The following TBC1D8 variants were observed in gnomAD, a reference collection of about 807,000 sequenced individuals.
The protein encoded by TBC1D8 is TBC1 domain family member 8, also known as BUB2-like protein 1.
A neutral mutation model predicts 118.8 loss-of-function variants in TBC1D8; 65 were observed. The observed-to-expected ratio is 0.55, with a 90% CI of 0.45 to 0.67. TBC1D8 has a LOEUF of 0.67. TBC1D8 is among the 30% of genes least tolerant of loss of function. The pLI, the probability that TBC1D8 is intolerant of heterozygous loss-of-function variation, is 0.00. For synonymous variants in TBC1D8, 566 were observed against 595.8 expected, an observed-to-expected ratio of 0.95 and a Z score of 0.73; for missense variants, 1,376 against 1,471.2, an observed-to-expected ratio of 0.94 and a Z score of 1.06.
At chr2:101,078,089 C>A (rs536508656) in intron 2 of TBC1D8, among the ~76,000 whole-genome samples, 15 of 152,236 alleles carry the variant, frequency 9.9e-5, no homozygotes, top group African/African-American at 3.4e-4. Flanking sequence ...AGATTGTATC[C>A]CCAACCAACG....
chr2:101,022,638 A>G, intron 15 of TBC1D8, 117 bp from the exon 16 acceptor site: 15 of 1,406,768 alleles, frequency 1.1e-5, no homozygotes, highest in Non-Finnish European at 1.3e-5. Context: ...TGGATACGTA[A>G]AAGTGTTCCC....
At position 101,151,250 on chromosome 2, in the gene TBC1D8, A is replaced by T; in HGVS notation, c.4T>A (p.Trp2Arg). The T allele has an allele frequency of 8.5e-7, 1 of 1,170,138 alleles. No homozygotes were observed. Among genetic ancestry groups the T allele is most frequent in the Non-Finnish European group, 1.1e-6 (1 of 930,960 alleles). The allele number at this position is 1,170,138 out of a possible 1,614,324, so 72.5% of individuals were successfully genotyped here. The change falls in exon 1 of 20, where the codon TGG becomes AGG. Residue 2 changes from tryptophan (W) to arginine (R), a missense_variant. Coordinates refer to ENST00000409318, the MANE Select transcript of TBC1D8 (RefSeq NM_001330348.2). ...AGCAGCACCTCCTCGGGCTTGAGCC[A>T]CATCGCGGCGGTCCGGCCGCGCCCG... Reference protein sequence around the residue: MWLKPEEVLLKN... With the variant: MRLKPEEVLLKN...
chr2:101,072,058 T>C (rs561226560), intron 2 of TBC1D8, among the ~76,000 whole-genome samples: 27 of 152,346 alleles, frequency 1.8e-4, no homozygotes, highest in Non-Finnish European at 3.5e-4. Flanking sequence ...ATTAATCTCC[T>C]TGTACATCTT....
chr2:101,070,905 T>A (rs1410838380), intron 2 of TBC1D8, among the ~76,000 whole-genome samples: 1 of 152,102 alleles, frequency 6.6e-6, no homozygotes, highest in Non-Finnish European at 1.5e-5. Context: ...CCCCAGGAGG[T>A]CAATATACAT....
intron 1 of TBC1D8, 113 bp downstream of exon 1, chr2:101,151,014 G>C: frequency 1.3e-6 from 1 of 770,654 alleles, no homozygotes. Flanking sequence ...TCCGGGCCCC[G>C]CGTCTCCCAA....
At chr2:101,075,130 G>T (rs1327000031) in intron 2 of TBC1D8, among the ~76,000 whole-genome samples, 1 of 152,148 alleles carries the variant, frequency 6.6e-6, no homozygotes, top group Non-Finnish European at 1.5e-5. Flanking sequence ...GGGCTCAGTG[G>T]CTACACCTGT....
chr2:101,013,095 G>C (rs915032425), intron 17 of TBC1D8, among the ~76,000 whole-genome samples: 1 of 152,188 alleles, frequency 6.6e-6, no homozygotes, highest in Non-Finnish European at 1.5e-5. Context: ...TAGAAAGGCA[G>C]CAATTAATCC....
intron 1 of TBC1D8, among the ~76,000 whole-genome samples, chr2:101,127,044 T>C (rs184301858): frequency 6.6e-6 from 1 of 152,210 alleles, no homozygotes; most frequent in East Asian, 1.9e-4. Flanking sequence ...TGTTAAGAAA[T>C]TGAGGCCCCT....
rs192743841 is a variant in TBC1D8, at chr2:101,126,155, A to G, written c.127+24972T>C. On this transcript the variant is annotated intron_variant, in intron 1 of 19. Coordinates refer to ENST00000409318, the MANE Select transcript of TBC1D8 (RefSeq NM_001330348.2). ...GGGAGCTGGCATATACAGAGAGCAC[A>G]TGGTAGGAGAGAAAGGCAAGAGAGA... Among the ~76,000 whole-genome samples, 408 of 152,262 alleles carry G rather than the reference A, an allele frequency of 2.7e-3. 2 individuals are homozygous for G. The highest frequency in any genetic ancestry group is 9.3e-3 in the African/African-American group (388 of 41,554).
In TBC1D8 at chr2:101,059,513, G is replaced by C. The variant is rs754072002; in HGVS notation, c.310C>G (p.His104Asp). The C allele has an allele frequency of 2.5e-6, 4 of 1,613,708 alleles. No individual in the cohort carries two copies. The highest frequency in any genetic ancestry group is 3.4e-6 in the Non-Finnish European group (4 of 1,179,738). The change falls in exon 3 of 20, where the codon CAC (histidine) becomes GAC (aspartate). Residue 104 changes from histidine to aspartate, a missense_variant. Physicochemically the swap from His to Asp is moderately conservative, Grantham distance 81. Transcript: ENST00000409318. ...TGATLEEINQ[H>D]WDWLEQNLLH... is the part of the protein sequence containing the mutation. ...AGATTTTGTTCCAGCCAGTCCCAGT[G>C]CTGATTGATTTCCTCTAATGTTGCA...
intron 2 of TBC1D8, among the ~76,000 whole-genome samples, chr2:101,064,428 A>G (rs1682916526): frequency 6.6e-6 from 1 of 152,258 alleles, no homozygotes. Flanking sequence ...GTGGAGGGGG[A>G]TGGAGGTGAG....
chr2:101,145,365 C>A (rs1042594627), intron 1 of TBC1D8, among the ~76,000 whole-genome samples: 3 of 152,162 alleles, frequency 2.0e-5, no homozygotes, highest in African/African-American at 7.2e-5. Context: ...GTGGTTTCTT[C>A]CCTATTATGC....
At chr2:101,109,758 C>T (rs1338289100) in intron 1 of TBC1D8, 5 of 981,164 alleles carry the variant, frequency 5.1e-6, no homozygotes, top group African/African-American at 3.5e-5. Flanking sequence ...CCAGAGCCCA[C>T]GTTCTCTTCT....
In TBC1D8 at chr2:101,007,586, A is replaced by G. The variant is rs550116018; in HGVS notation, c.*235T>C. On this transcript the variant is annotated 3_prime_UTR_variant, in exon 20 of 20. Transcript: ENST00000409318. Reference sequence around the variant, plus strand: ...TGCCCATTTCAGCAAATCCGGTAAAAATTGTAAGTTGGCATCAAGGGAACC... The same window carrying G: ...TGCCCATTTCAGCAAATCCGGTAAAGATTGTAAGTTGGCATCAAGGGAACC... 1.6e-5 allele frequency: 8 copies of G among 515,638 alleles called. No individual in the cohort carries two copies. Among genetic ancestry groups the G allele is most frequent in the African/African-American group, 1.5e-4 (8 of 52,538 alleles). 31.9% of individuals were successfully genotyped at this position (515,638 alleles called of 1,614,324 possible). A position where few individuals can be genotyped will look rare whatever the true frequency, so the allele number is the denominator to read the frequency against.
At chr2:101,097,275 TA>T (rs1676520383) in intron 1 of TBC1D8, among the ~76,000 whole-genome samples, 8 of 151,872 alleles carry the variant, frequency 5.3e-5, no homozygotes, top group Admixed American at 5.2e-4. Context: ...ACTGAGAAAA[TA>T]ATTTCCAGCA....
intron 1 of TBC1D8, among the ~76,000 whole-genome samples, chr2:101,117,058 A>G (rs1179524307): frequency 6.6e-6 from 1 of 152,146 alleles, no homozygotes; most frequent in Admixed American, 6.5e-5. Flanking sequence ...ACACACAGGG[A>G]GAGCACTGTG....
intron 17 of TBC1D8, among the ~76,000 whole-genome samples, chr2:101,015,989 T>A (rs1406822017): frequency 9.2e-5 from 14 of 151,634 alleles, no homozygotes; most frequent in African/African-American, 3.2e-4. Context: ...AACCTAGGCA[T>A]TACCATTCAG....
At position 101,085,755 on chromosome 2, in the gene TBC1D8, C is replaced by T. The variant is rs181358963; in HGVS notation, c.283+4454G>A. On this transcript the variant is annotated intron_variant, in intron 2 of 19. Transcript: ENST00000409318. ...CATGCTCCCTAACAACTGAAGAACA[C>T]GGGTTCAATAAAACAAGCACTCACA... is the stretch of plus-strand genomic sequence containing the variant. 1.3e-4 allele frequency among the ~76,000 whole-genome samples: 20 copies of T among 152,268 alleles called. No individual in the cohort carries two copies. The East Asian group carries it at 3.5e-3, about 26-fold the overall frequency.
chr2:101,008,246 G>T lies in TBC1D8; in HGVS notation c.3043C>A (p.Leu1015Met). 1 of 1,559,532 alleles carries T rather than the reference G, an allele frequency of 6.4e-7. No individual in the cohort carries two copies. ...QREFIQFCKT[L>M]YSMFHEDPEE... ...GGATCTTCATGGAACATACTGTACA[G>T]AGTTTTACAGAACTGGATAAATTCT... The change falls in exon 20 of 20, where the codon CTG becomes ATG. Residue 1015 changes from leucine to methionine, a missense_variant. Coordinates refer to ENST00000409318, the MANE Select transcript of TBC1D8 (RefSeq NM_001330348.2).
Sources: gnomAD v4.1 joint callset for allele counts (sites outside exome capture counted in the v4.1 genomes callset) on GRCh38, gnomAD v4.1.1 for gene constraint, MANE v1.5 for transcripts, NCBI Gene and HGNC (gene_info 2026-07-23, HGNC 2026-07-21) for gene names.